TRIM26: variants seen among roughly 807,000 people sequenced by gnomAD.
TRIM26 encodes the protein tripartite motif containing 26, also known as tripartite motif-containing protein 26.
Under a neutral mutation model 45.5 loss-of-function variants are expected in TRIM26, and 16 were observed. The observed-to-expected ratio is 0.35, with a 90% CI of 0.24 to 0.53. The LOEUF (loss-of-function observed/expected upper bound fraction) is 0.53, where lower values mean the gene tolerates loss of function less well. TRIM26 is among the 20% of genes least tolerant of loss of function. TRIM26 has a pLI of 0.92. For missense variants in TRIM26, 442 were observed against 691.1 expected, an observed-to-expected ratio of 0.64 and a Z score of 4.04; for synonymous variants, 273 against 290.4, an observed-to-expected ratio of 0.94 and a Z score of 0.61.
intron 6 of TRIM26, among the ~76,000 whole-genome samples, chr6:30,194,836 C>T (rs1430046696): frequency 2.0e-5 from 3 of 152,140 alleles, no homozygotes; most frequent in African/African-American, 7.2e-5. Flanking sequence ...GCGGAGATTA[C>T]AGTGAGCTGA....
At chr6:30,213,198 G>GGCCCC (rs1778473561) in intron 1 of TRIM26, 107 bp downstream of exon 1, 1 of 152,438 alleles carries the variant, frequency 6.6e-6, no homozygotes, top group Non-Finnish European at 1.5e-5. Context: ...CCGGGGGCCT[G>GGCCCC]GCCCCGTTTT....
Position 30,196,637 on chromosome 6 carries a change from T to C in TRIM26, c.644A>G (p.Gln215Arg), listed in dbSNP as rs1238408301. 3 of 1,614,094 alleles carry C rather than the reference T, an allele frequency of 1.9e-6. No homozygotes were observed. The highest frequency in any genetic ancestry group is 2.5e-6 in the Non-Finnish European group (3 of 1,180,052). The change falls in exon 6 of 10, where the codon CAG becomes CGG. Residue 215 changes from glutamine to arginine, a missense_variant. Physicochemically the swap from Gln to Arg is conservative, Grantham distance 43 (BLOSUM62 1). Transcript: ENST00000454678. This position sits in a 1 kb window ranked among gnomAD's most constrained non-coding sequence, Gnocchi z 4.9. The part of the protein sequence containing the change: ...HLLEQLAKLE[Q>R]ELTEGREKFK... Reference sequence around the variant, plus strand: ...CTTCTCCCTGCCCTCCGTGAGCTCCTGCTCCAGCTTCGCCAGCTGTTCCAG... The same window carrying C: ...CTTCTCCCTGCCCTCCGTGAGCTCCCGCTCCAGCTTCGCCAGCTGTTCCAG...
chr6:30,211,241 A>T (rs1334224457), intron 1 of TRIM26, among the ~76,000 whole-genome samples: 2 of 152,078 alleles, frequency 1.3e-5, no homozygotes, highest in Admixed American at 6.6e-5. Context: ...CACACACATT[A>T]CCTAGATATC....
intron 9 of TRIM26, chr6:30,187,372 G>A (rs2517622): frequency 2.7e-6 from 1 of 364,258 alleles, no homozygotes; most frequent in South Asian, 2.6e-5. Flanking sequence ...GGCAACTCCT[G>A]AAGACCAACC....
intron 5 of TRIM26, among the ~76,000 whole-genome samples, chr6:30,197,879 G>A (rs1353358069): frequency 6.6e-6 from 1 of 152,020 alleles, no homozygotes; most frequent in Non-Finnish European, 1.5e-5. Flanking sequence ...TAAATTCGCC[G>A]CTACGGAACC....
rs1774957409 is a variant in TRIM26, at chr6:30,184,610, GAC to G, written c.*1264_*1265del. 6.5e-6 allele frequency: 1 copy of G among 152,676 alleles called. No homozygotes were observed. Among genetic ancestry groups the G allele is most frequent in the African/African-American group, 2.4e-5 (1 of 41,440 alleles). The allele number at this position is 152,676 out of a possible 1,614,324, so 9.5% of individuals were successfully genotyped here. On this transcript the variant is annotated 3_prime_UTR_variant, in exon 10 of 10. Transcript: ENST00000454678. ...TGTACATGTGACTCAGGCAGCATGT[GAC>G]ACACACAAAGTGGGCAGCTCTGAGA...
chr6:30,203,798 C>CTTT (rs35154638), intron 2 of TRIM26, among the ~76,000 whole-genome samples: 48 of 144,488 alleles, frequency 3.3e-4, no homozygotes, highest in Non-Finnish European at 4.5e-4. Flanking sequence ...TGGTTCCTTT[C>CTTT]TTTTTTTTTT....
At chr6:30,193,162 G>GTA (rs1554201636) in intron 6 of TRIM26, among the ~76,000 whole-genome samples, 139 of 32,002 alleles carry the variant, frequency 4.3e-3, no homozygotes, top group Middle Eastern at 0.031. Context: ...GTGTGTGTGT[G>GTA]TATATATATA....
At chr6:30,194,869 C>T (rs1042566251) in intron 6 of TRIM26, among the ~76,000 whole-genome samples, 50 of 152,264 alleles carry the variant, frequency 3.3e-4, no homozygotes, top group Middle Eastern at 6.8e-3. Context: ...GCACTCCAGC[C>T]TGGGAGACAG....
chr6:30,187,571 CT>C, intron 9 of TRIM26: 2 of 458,100 alleles, frequency 4.4e-6, no homozygotes, highest in South Asian at 1.8e-5. Flanking sequence ...AGGTGCTACT[CT>C]CTGTGCTAAC....
rs932209594 is a variant in TRIM26 at position 30,190,100 on chromosome 6, C to T, written c.766-65G>A. 4 of 1,550,932 alleles carry T rather than the reference C, an allele frequency of 2.6e-6. No individual in the cohort carries two copies. The highest frequency in any genetic ancestry group is 2.7e-5 in the African/African-American group (2 of 73,490). On this transcript the variant is annotated intron_variant, in intron 6 of 9. Transcript: ENST00000454678. This position sits in a 1 kb window ranked among gnomAD's most constrained non-coding sequence, Gnocchi z 4.3. ...CAAATAAGACTTCAATGCATCTGCA[C>T]CCAACACTGTAGCAGAGATGGGACA...
intron 6 of TRIM26, among the ~76,000 whole-genome samples, chr6:30,195,303 C>T (rs568234974): frequency 1.3e-5 from 2 of 152,246 alleles, no homozygotes; most frequent in Middle Eastern, 6.8e-3. Context: ...CAGAAAATGA[C>T]CCAGTCAAAG....
intron 6 of TRIM26, among the ~76,000 whole-genome samples, chr6:30,191,998 A>T (rs1775893114): frequency 1.3e-5 from 2 of 152,258 alleles, no homozygotes; most frequent in Admixed American, 6.5e-5. Context: ...TACAGGAGAA[A>T]GAAGAGTCCT....
Position 30,198,188 on chromosome 6 carries a change from AG to A in TRIM26, c.534+240del. Reference sequence around the variant, plus strand: ...CAAGGTGACAGTCACAGAAAACGGAAGGGACTCTAGCTGACATCCAGGCAGC... The same window carrying A: ...CAAGGTGACAGTCACAGAAAACGGAAGGACTCTAGCTGACATCCAGGCAGC... On this transcript the variant is annotated intron_variant, in intron 5 of 9. Transcript: ENST00000454678. The surrounding 1 kb of genome is among the most constrained non-coding windows in gnomAD (Gnocchi z 6.3). Among the ~76,000 whole-genome samples the A allele has an allele frequency of 6.6e-6, 1 of 152,358 alleles. No individual in the cohort carries two copies. The highest frequency in any genetic ancestry group is 1.9e-4 in the East Asian group (1 of 5,188).
In TRIM26 at chr6:30,212,242, G is replaced by A. The variant is rs1490602751; in HGVS notation, c.-376+1063C>T. On this transcript the variant is annotated intron_variant, in intron 1 of 9. Coordinates refer to ENST00000454678, the MANE Select transcript of TRIM26 (RefSeq NM_003449.5). ...GACCAGTATTCTTCAATGCTGTCAA[G>A]GTCATCAAAACAAGTCTGAGAAACT... Among the ~76,000 whole-genome samples, 5 of 152,300 alleles carry A rather than the reference G, an allele frequency of 3.3e-5. No homozygotes were observed. The East Asian group carries it at 5.8e-4, about 18-fold the overall frequency.
intron 2 of TRIM26, among the ~76,000 whole-genome samples, chr6:30,201,730 G>A (rs906431531): frequency 1.3e-5 from 2 of 152,032 alleles, no homozygotes; most frequent in Non-Finnish European, 2.9e-5. Flanking sequence ...TGTAGTCCCA[G>A]CTACTCAGGA....
At position 30,186,720 on chromosome 6, in the gene TRIM26, C is replaced by G; in HGVS notation, c.938-162G>C. On this transcript the variant is annotated intron_variant, in intron 9 of 9. Coordinates refer to ENST00000454678, the MANE Select transcript of TRIM26 (RefSeq NM_003449.5). The surrounding 1 kb of genome is among the most constrained non-coding windows in gnomAD (Gnocchi z 7.4). ...TCCTTAATTTGGTATAAGTGTGACA[C>G]ATTTTCTGGCTTTGTATTCTGCTAA... 9.4e-7 allele frequency: 1 copy of G among 1,067,010 alleles called. No individual in the cohort carries two copies. Among genetic ancestry groups the G allele is most frequent in the Non-Finnish European group, 1.3e-6 (1 of 757,762 alleles). The allele number at this position is 1,067,010 out of a possible 1,614,324, so 66.1% of individuals were successfully genotyped here.
chr6:30,192,110 T>C (rs1207358668), intron 6 of TRIM26, among the ~76,000 whole-genome samples: 2 of 152,114 alleles, frequency 1.3e-5, no homozygotes, highest in African/African-American at 4.8e-5. Flanking sequence ...GGAGCCCCCA[T>C]CCACAGCCAC....
chr6:30,202,579 G>C (rs1282649222), intron 2 of TRIM26, among the ~76,000 whole-genome samples: 1 of 152,194 alleles, frequency 6.6e-6, no homozygotes, highest in African/African-American at 2.4e-5. Context: ...AAAGTGGCAT[G>C]TGCTTTCTGG....
Sources: allele counts gnomAD v4.1 joint callset (sites outside exome capture counted in the v4.1 genomes callset), GRCh38; gene constraint gnomAD v4.1.1; non-coding constraint Gnocchi (gnomAD v3.1); transcripts MANE v1.5; gene names NCBI Gene and HGNC (gene_info 2026-07-23, HGNC 2026-07-21).